Variants in NELL1 observed in about 807,000 individuals in gnomAD.
NELL1 encodes protein kinase C-binding protein NELL1.
Under a neutral mutation model 107.4 loss-of-function variants are expected in NELL1, and 76 were observed. That is an observed-to-expected ratio of 0.71 (90% CI 0.59 to 0.86). NELL1 has a LOEUF of 0.86. NELL1 is among the 40% of genes least tolerant of loss of function. The pLI is 0.00. For synonymous variants in NELL1, 353 were observed against 341.2 expected, an observed-to-expected ratio of 1.03 and a Z score of -0.38; for missense variants, 1,024 against 1,005.5, an observed-to-expected ratio of 1.02 and a Z score of -0.25.
chr11:21,287,299 C>T (rs896086334), intron 14 of NELL1, among the ~76,000 whole-genome samples: 1 of 152,166 alleles, frequency 6.6e-6, no homozygotes, highest in African/African-American at 2.4e-5. Context: ...ATTTCTCTTA[C>T]TGCAAGTATA....
chr11:20,679,490 G>A (rs1016631159), intron 2 of NELL1, among the ~76,000 whole-genome samples: 4 of 152,138 alleles, frequency 2.6e-5, no homozygotes, highest in African/African-American at 9.7e-5. Context: ...CAAATCTAGA[G>A]TTATTATGTA....
At chr11:21,070,713 A>C (rs988809382) in intron 12 of NELL1, among the ~76,000 whole-genome samples, 47 of 152,222 alleles carry the variant, frequency 3.1e-4, no homozygotes, top group African/African-American at 1.1e-3. Context: ...ATTTGAGTAT[A>C]ATGTTTCAAT....
intron 1 of NELL1, chr11:20,674,561 C>A (rs1431659795): frequency 6.5e-7 from 1 of 1,528,760 alleles, no homozygotes; most frequent in Non-Finnish European, 8.8e-7. Flanking sequence ...CTTCAGCAAT[C>A]CCTTCAGGGA....
chr11:21,497,309 CA>C (rs1855008042), intron 15 of NELL1, among the ~76,000 whole-genome samples: 1 of 152,048 alleles, frequency 6.6e-6, no homozygotes, highest in African/African-American at 2.4e-5. Flanking sequence ...AGTATAGTTA[CA>C]AAAAATATTT....
chr11:20,919,268 T>TG lies in NELL1; in HGVS notation c.694dup (p.Asp232GlyfsTer31). On this transcript the variant is annotated frameshift_variant, in exon 7 of 20. Coordinates refer to ENST00000357134, the MANE Select transcript of NELL1 (RefSeq NM_006157.5). LOFTEE classifies it high-confidence loss of function. Reference sequence around the variant, plus strand: ...TTTATTGAGCTTGCCCAACCTGCAGTGATTTCTTAAGCCTGGTGCAAGGAA... The same window carrying TG: ...TTTATTGAGCTTGCCCAACCTGCAGTGGATTTCTTAAGCCTGGTGCAAGGAA... 1 of 1,601,962 alleles carries TG rather than the reference T, an allele frequency of 6.2e-7. No individual in the cohort carries two copies. Among genetic ancestry groups the TG allele is most frequent in the South Asian group, 1.1e-5 (1 of 89,138 alleles).
intron 4 of NELL1, among the ~76,000 whole-genome samples, chr11:20,856,572 C>G (rs1429791): frequency 6.6e-6 from 1 of 152,200 alleles, no homozygotes; most frequent in Non-Finnish European, 1.5e-5. Flanking sequence ...GTAAACAGCC[C>G]TAGGCTGTGA....
chr11:21,113,620 C>T lies in NELL1; in HGVS notation c.1332C>T (p.Tyr444=). The change falls in exon 13 of 20, where the codon TAC becomes TAT. Residue 444 remains tyrosine, a synonymous_variant. Coordinates refer to ENST00000357134, the MANE Select transcript of NELL1 (RefSeq NM_006157.5). The part of the protein sequence containing the change: ...DIDECAAKMH[Y]CHANTVCVNL... ...ATGAGTGTGCAGCTAAGATGCATTACTGTCATGCCAATACTGTGTGTGTCA... is the reference window on the plus strand; with the variant it reads ...ATGAGTGTGCAGCTAAGATGCATTATTGTCATGCCAATACTGTGTGTGTCA... The T allele has an allele frequency of 6.2e-7, 1 of 1,612,026 alleles. No individual in the cohort carries two copies.
At chr11:21,221,434 G>C (rs942393888) in intron 13 of NELL1, among the ~76,000 whole-genome samples, 18 of 152,078 alleles carry the variant, frequency 1.2e-4, no homozygotes, top group African/African-American at 3.9e-4. Flanking sequence ...TTCAGTTTTT[G>C]TAATAATTTA....
chr11:21,003,678 C>G (rs1036906289), intron 12 of NELL1, among the ~76,000 whole-genome samples: 1 of 152,140 alleles, frequency 6.6e-6, no homozygotes, highest in African/African-American at 2.4e-5. Context: ...GATTTTGTCA[C>G]TTGGTAAGCT....
chr11:20,801,760 G>A (rs535199029), intron 3 of NELL1, among the ~76,000 whole-genome samples: 15 of 152,268 alleles, frequency 9.9e-5, no homozygotes, highest in Admixed American at 7.2e-4. Context: ...ATTGTATATG[G>A]CAAGAGATAG....
At chr11:21,160,886 A>G (rs1856350156) in intron 13 of NELL1, among the ~76,000 whole-genome samples, 1 of 152,004 alleles carries the variant, frequency 6.6e-6, no homozygotes, top group Non-Finnish European at 1.5e-5. Flanking sequence ...TCTTTAAGAT[A>G]TAGGTCTTTT....
At chr11:21,370,613 TAGCGCATGCC>T (rs1307240963) in intron 14 of NELL1, among the ~76,000 whole-genome samples, 1 of 152,116 alleles carries the variant, frequency 6.6e-6, no homozygotes, top group Non-Finnish European at 1.5e-5. Flanking sequence ...AGCTACCATT[TAGCGCATGCC>T]AGCCCTATGC....
At chr11:21,138,718 ATCAAATAACTTGATTGT>A (rs1042634924) in intron 13 of NELL1, among the ~76,000 whole-genome samples, 2 of 152,234 alleles carry the variant, frequency 1.3e-5, no homozygotes, top group Admixed American at 6.5e-5. Context: ...AGTTATTTTA[ATCAAATAACTTGATTGT>A]TCAAATAACA....
chr11:21,256,184 C>T (rs1858763307), intron 14 of NELL1, among the ~76,000 whole-genome samples: 1 of 151,954 alleles, frequency 6.6e-6, no homozygotes, highest in Admixed American at 6.6e-5. Flanking sequence ...ATTTATTTTT[C>T]CAAGGTTCTT....
At chr11:20,705,926 G>C (rs566646181) in intron 2 of NELL1, among the ~76,000 whole-genome samples, 8 of 152,266 alleles carry the variant, frequency 5.3e-5, no homozygotes, top group Non-Finnish European at 7.4e-5. Context: ...TGCTCATCAT[G>C]ACTGGCCATC....
intron 12 of NELL1, among the ~76,000 whole-genome samples, chr11:21,031,814 C>T (rs754564510): frequency 6.6e-6 from 1 of 151,802 alleles, no homozygotes; most frequent in African/African-American, 2.4e-5. Flanking sequence ...TTTGGAAGGG[C>T]GAGGCAGGCG....
chr11:20,736,218 T>A (rs928205484), intron 2 of NELL1, among the ~76,000 whole-genome samples: 5 of 151,994 alleles, frequency 3.3e-5, no homozygotes, highest in Non-Finnish European at 7.4e-5. Flanking sequence ...AATGAGGCCA[T>A]GTGATTGGCT....
intron 12 of NELL1, among the ~76,000 whole-genome samples, chr11:21,032,393 T>C (rs1009952252): frequency 1.3e-5 from 2 of 152,132 alleles, no homozygotes; most frequent in Admixed American, 6.6e-5. Flanking sequence ...TTGTTGTTTT[T>C]GTTGTTGTTG....
At position 20,882,701 on chromosome 11, in the gene NELL1, A is replaced by G. The variant is rs943349266; in HGVS notation, c.507-2743A>G. 3.9e-5 allele frequency among the ~76,000 whole-genome samples: 6 copies of G among 152,352 alleles called. No individual in the cohort carries two copies. In the East Asian group the frequency reaches 1.2e-3, roughly 29 times the overall value. On this transcript the variant is annotated intron_variant, in intron 4 of 19. Coordinates refer to ENST00000357134, the MANE Select transcript of NELL1 (RefSeq NM_006157.5). ...AGTTAGCAAAATCAGGAAATTGAGT[A>G]TCAATAAAATACTATTACATAATTT...
Sources: allele counts gnomAD v4.1 joint callset (sites outside exome capture counted in the v4.1 genomes callset), GRCh38; gene constraint gnomAD v4.1.1; transcripts MANE v1.5; gene names NCBI Gene and HGNC (gene_info 2026-07-23, HGNC 2026-07-21).